Variants in MID1 observed in about 807,000 individuals in gnomAD.
MID1 encodes midline 1.
Under a neutral mutation model 40.4 loss-of-function variants are expected in MID1, and 7 were observed. The observed-to-expected ratio is 0.17, with a 90% CI of 0.10 to 0.33. The LOEUF is 0.33. Among genes scored for constraint, MID1 ranks in the 10% least tolerant of loss-of-function variants. The pLI, the probability that MID1 is intolerant of heterozygous loss-of-function variation, is 1.00. For missense variants in MID1, 367 were observed against 558.5 expected (o/e 0.66, Z 3.46); for synonymous variants, 229 against 221.2 (o/e 1.04, Z -0.31).
chrX:10,484,836 C>T (rs775704912), intron 4 of MID1, among the ~76,000 whole-genome samples: 2 of 111,759 alleles, frequency 1.8e-5, no homozygotes, highest in Non-Finnish European at 3.8e-5. Context: ...CTTTAAAAAA[C>T]CAAATAGAAG....
At chrX:10,808,055 C>T (rs746197044) in intron 1 of MID1, among the ~76,000 whole-genome samples, 2 of 112,634 alleles carry the variant, frequency 1.8e-5, no homozygotes, top group Non-Finnish European at 3.8e-5. Flanking sequence ...TGCTTATACA[C>T]GCATTCACTC....
chrX:10,760,943 G>C (rs751779077), intron 1 of MID1, among the ~76,000 whole-genome samples: 1 of 112,131 alleles, frequency 8.9e-6, no homozygotes, highest in African/African-American at 3.2e-5. Context: ...CAGCTGGGTA[G>C]AATCTATAGA....
At chrX:10,594,297 T>C (rs1237126717) in intron 1 of MID1, among the ~76,000 whole-genome samples, 1 of 111,893 alleles carries the variant, frequency 8.9e-6, no homozygotes, top group Non-Finnish European at 1.9e-5. Context: ...TGGGTCCTTA[T>C]TTTTGTTCGC....
intron 1 of MID1, among the ~76,000 whole-genome samples, chrX:10,572,897 C>G (rs1411093182): frequency 9.0e-6 from 1 of 111,576 alleles, no homozygotes; most frequent in Non-Finnish European, 1.9e-5. Flanking sequence ...GGGGAGAGAG[C>G]TGGACAGGTG....
At chrX:10,574,686 G>T (rs1178075370) in intron 1 of MID1, among the ~76,000 whole-genome samples, 3 of 112,211 alleles carry the variant, frequency 2.7e-5, no homozygotes, top group Non-Finnish European at 5.6e-5. Flanking sequence ...TTCTAATTTG[G>T]AGTATATGAA....
intron 1 of MID1, among the ~76,000 whole-genome samples, chrX:10,590,708 G>T (rs1435950299): frequency 1.8e-5 from 2 of 112,317 alleles, no homozygotes; most frequent in Non-Finnish European, 3.8e-5. Flanking sequence ...AAGTCTGAGA[G>T]ATTCTTCTTG....
intron 1 of MID1, among the ~76,000 whole-genome samples, chrX:10,699,828 T>C (rs937279443): frequency 9.1e-6 from 1 of 109,811 alleles, no homozygotes; most frequent in Admixed American, 9.7e-5. Context: ...CTCAATACTT[T>C]TTTTTTTTTT....
intron 1 of MID1, among the ~76,000 whole-genome samples, chrX:10,804,007 T>C (rs1338745649): frequency 9.0e-6 from 1 of 111,712 alleles, no homozygotes; most frequent in Non-Finnish European, 1.9e-5. Flanking sequence ...TCTATTGGCA[T>C]GTCTTTCACC....
chrX:10,829,754 T>C (rs1331447825), intron 1 of MID1, among the ~76,000 whole-genome samples: 2 of 112,028 alleles, frequency 1.8e-5, no homozygotes, highest in Non-Finnish European at 1.9e-5. Context: ...CCTAGGTACT[T>C]GGAAAATCCT....
At chrX:10,775,202 G>A (rs2043794771) in intron 1 of MID1, among the ~76,000 whole-genome samples, 1 of 109,909 alleles carries the variant, frequency 9.1e-6, no homozygotes, top group South Asian at 4.0e-4. Flanking sequence ...TTTATTAAAG[G>A]TCACCAGAAG....
chrX:10,571,490 C>CTT (rs757552435), intron 1 of MID1, among the ~76,000 whole-genome samples: 2 of 92,761 alleles, frequency 2.2e-5, no homozygotes, highest in African/African-American at 3.9e-5. Flanking sequence ...CCATTCATTC[C>CTT]TTTTTTTTTT....
intron 1 of MID1, among the ~76,000 whole-genome samples, chrX:10,636,799 T>C (rs1435252480): frequency 1.2e-5 from 1 of 86,406 alleles, no homozygotes. Context: ...TATATATATA[T>C]ATATATATAT....
rs372534364 is a variant in MID1, at chrX:10,636,817, T to C, written c.-186-16398A>G. On this transcript the variant is annotated intron_variant, in intron 1 of 10. Transcript: ENST00000380785. ...ATATATATATATATATATATATATA[T>C]ACACCACTGGTGACTGACACCTGAA... Among the ~76,000 whole-genome samples, 152 of 86,019 alleles carry C rather than the reference T, an allele frequency of 1.8e-3. 1 individual carries two copies. The highest frequency in any genetic ancestry group is 3.1e-3 in the Non-Finnish European group (134 of 43,744). 74.7% of individuals were successfully genotyped at this position (86,019 alleles called of 115,157 possible).
chrX:10,606,651 T>A (rs775462636), intron 1 of MID1, among the ~76,000 whole-genome samples: 2 of 112,450 alleles, frequency 1.8e-5, no homozygotes, highest in Admixed American at 1.9e-4. Flanking sequence ...ATATCTAATA[T>A]AAGTGATAAA....
intron 1 of MID1, among the ~76,000 whole-genome samples, chrX:10,680,212 A>T (rs2147069057): frequency 1.8e-5 from 2 of 112,072 alleles, no homozygotes; most frequent in African/African-American, 6.5e-5. Flanking sequence ...CTGCAGTAGA[A>T]TTATTTAGCC....
chrX:10,608,099 A>C (rs1231876520), intron 1 of MID1, among the ~76,000 whole-genome samples: 1 of 112,549 alleles, frequency 8.9e-6, no homozygotes, highest in African/African-American at 3.2e-5. Context: ...AACAGGGACA[A>C]CACCAAATGC....
At chrX:10,453,767 G>A (rs939466428) in intron 9 of MID1, among the ~76,000 whole-genome samples, 6 of 112,111 alleles carry the variant, frequency 5.4e-5, no homozygotes, top group African/African-American at 9.7e-5. Flanking sequence ...TACAGATAAT[G>A]TTTGTGGACT....
At chrX:10,780,597 C>A (rs1356722075) in intron 1 of MID1, among the ~76,000 whole-genome samples, 3 of 111,719 alleles carry the variant, frequency 2.7e-5, no homozygotes, top group African/African-American at 9.8e-5. Flanking sequence ...TTAATTTCAG[C>A]CAGGAGTATA....
Position 10,474,684 on chromosome X carries a change from G to A in MID1, c.1080C>T (p.Asp360=), listed in dbSNP as rs755094568. The change falls in exon 6 of 10, where the codon GAC becomes GAT. Residue 360 remains aspartate (D), a synonymous_variant. Coordinates refer to ENST00000317552, the MANE Select transcript of MID1 (RefSeq NM_000381.4). ...CTCGGGAAAAATCTAAGGCAAAGGTGTCAAATGTGTCATTGAGGTTGATTT... is the reference window on the plus strand; with the variant it reads ...CTCGGGAAAAATCTAAGGCAAAGGTATCAAATGTGTCATTGAGGTTGATTT... ...IPEINLNDTF[D]TFALDFSREK... 20 of 1,204,565 alleles carry A rather than the reference G, an allele frequency of 1.7e-5. No individual in the cohort carries two copies. In the East Asian group the frequency reaches 4.4e-4, roughly 27 times the overall value.
Sources: allele counts gnomAD v4.1 joint callset (sites outside exome capture counted in the v4.1 genomes callset), GRCh38; gene constraint gnomAD v4.1.1; transcripts MANE v1.5; gene names NCBI Gene and HGNC (gene_info 2026-07-23, HGNC 2026-07-21).